The following TAF2 variants were observed in gnomAD, a reference collection of about 807,000 sequenced individuals.
TAF2 encodes the protein TATA-box binding protein associated factor 2, also known as transcription initiation factor TFIID subunit 2.
A neutral mutation model predicts 138.5 loss-of-function variants in TAF2; 61 were observed. That is an observed-to-expected ratio of 0.44 (90% confidence interval 0.36 to 0.54). The LOEUF (loss-of-function observed/expected upper bound fraction) is 0.54, where lower values mean the gene tolerates loss of function less well. Among genes scored for constraint, TAF2 ranks in the 20% least tolerant of loss-of-function variants. TAF2 has a pLI of 0.00. For missense variants in TAF2, 1,090 were observed against 1,427.9 expected, an observed-to-expected ratio of 0.76 and a Z score of 3.81; for synonymous variants, 475 against 469.9, an observed-to-expected ratio of 1.01 and a Z score of -0.14.
chr8:119,772,689 C>A (rs1176425861), intron 18 of TAF2, among the ~76,000 whole-genome samples: 1 of 152,012 alleles, frequency 6.6e-6, no homozygotes, highest in Non-Finnish European at 1.5e-5. Context: ...GTAATCCCAG[C>A]ACTTTGGGAG....
chr8:119,772,409 G>A (rs1821906065), intron 18 of TAF2, among the ~76,000 whole-genome samples: 1 of 152,100 alleles, frequency 6.6e-6, no homozygotes, highest in East Asian at 1.9e-4. Flanking sequence ...GGGAACACAT[G>A]GACATAAAGA....
At chr8:119,821,479 C>T (rs1026657926) in intron 2 of TAF2, among the ~76,000 whole-genome samples, 1 of 152,208 alleles carries the variant, frequency 6.6e-6, no homozygotes, top group Admixed American at 6.5e-5. Flanking sequence ...CTCCCATTCA[C>T]TATAAACGAG....
chr8:119,805,599 G>A (rs1259046099), intron 4 of TAF2, among the ~76,000 whole-genome samples: 2 of 151,890 alleles, frequency 1.3e-5, no homozygotes, highest in Non-Finnish European at 2.9e-5. Context: ...CTAGCTACTC[G>A]GTGGCTGCGG....
chr8:119,830,530 T>C (rs1826379473), intron 2 of TAF2, among the ~76,000 whole-genome samples: 1 of 152,162 alleles, frequency 6.6e-6, no homozygotes, highest in African/African-American at 2.4e-5. Context: ...TATCCTACTA[T>C]ATAAGATATA....
At chr8:119,747,605 C>A (rs1026982118) in intron 22 of TAF2, among the ~76,000 whole-genome samples, 6 of 152,088 alleles carry the variant, frequency 3.9e-5, no homozygotes. Flanking sequence ...TACCGTACCC[C>A]ACAGCAATGA....
chr8:119,831,172 C>A (rs934635122), intron 2 of TAF2, among the ~76,000 whole-genome samples: 4 of 152,070 alleles, frequency 2.6e-5, no homozygotes, highest in African/African-American at 4.8e-5. Context: ...ATTATATCAG[C>A]AATCCATACA....
At chr8:119,742,447 G>GT (rs1819660733) in intron 25 of TAF2, 87 bp downstream of exon 25, 2 of 1,525,838 alleles carry the variant, frequency 1.3e-6, no homozygotes, top group Non-Finnish European at 1.8e-6. Context: ...TTTTTAAAGG[G>GT]TTTTTTAAAG....
chr8:119,819,534 T>G, intron 2 of TAF2, 28 bp from the exon 3 acceptor site: 5 of 1,542,292 alleles, frequency 3.2e-6, no homozygotes, highest in Non-Finnish European at 4.4e-6. Context: ...AACAACTTCA[T>G]TATAAAGACT....
intron 18 of TAF2, among the ~76,000 whole-genome samples, chr8:119,771,749 T>TC (rs1273377288): frequency 6.6e-6 from 1 of 152,092 alleles, no homozygotes; most frequent in Non-Finnish European, 1.5e-5. Context: ...GTGGTGGACT[T>TC]CAACACCCCA....
rs985525479 is a variant in TAF2 at position 119,731,054 on chromosome 8, T to A, written c.*870A>T. On this transcript the variant is annotated 3_prime_UTR_variant, in exon 26 of 26. Transcript: ENST00000378164. ...CCAGGTTAATAAACAATATATAAGC[T>A]CACCTTTTTAAAGGTATCATACTTT... 2.0e-5 allele frequency: 3 copies of A among 152,182 alleles called. No individual in the cohort carries two copies. Among genetic ancestry groups the A allele is most frequent in the Non-Finnish European group, 4.4e-5 (3 of 68,026 alleles). The allele number at this position is 152,182 out of a possible 1,614,324, so 9.4% of individuals were successfully genotyped here.
At position 119,731,833 on chromosome 8, in the gene TAF2, C is replaced by G; in HGVS notation, c.*91G>C. The G allele has an allele frequency of 7.8e-6, 10 of 1,278,626 alleles. No individual in the cohort carries two copies. In the South Asian group the frequency reaches 9.6e-5, roughly 12 times the overall value. The allele number at this position is 1,278,626 out of a possible 1,614,324, so 79.2% of individuals were successfully genotyped here. A position where few individuals can be genotyped will look rare whatever the true frequency, so the allele number is the denominator to read the frequency against. ...TTCTGTAGGAGAGGCGAATCCTTTCCCCCCTCCCTTTTATAATTCTTCACA... is the reference window on the plus strand; with the variant it reads ...TTCTGTAGGAGAGGCGAATCCTTTCGCCCCTCCCTTTTATAATTCTTCACA... On this transcript the variant is annotated 3_prime_UTR_variant, in exon 26 of 26. Coordinates refer to ENST00000378164, the MANE Select transcript of TAF2 (RefSeq NM_003184.4).
At chr8:119,824,478 C>T (rs1397568656) in intron 2 of TAF2, among the ~76,000 whole-genome samples, 1 of 151,810 alleles carries the variant, frequency 6.6e-6, no homozygotes, top group African/African-American at 2.4e-5. Context: ...AGGAGAAGTC[C>T]AAGCTGGCTA....
At chr8:119,732,759 G>C (rs955194251) in intron 25 of TAF2, among the ~76,000 whole-genome samples, 1 of 152,106 alleles carries the variant, frequency 6.6e-6, no homozygotes, top group Non-Finnish European at 1.5e-5. Flanking sequence ...AGCTGAGATC[G>C]TGTCACTGCA....
At chr8:119,798,093 T>C (rs1286226085) in intron 6 of TAF2, among the ~76,000 whole-genome samples, 2 of 152,122 alleles carry the variant, frequency 1.3e-5, no homozygotes, top group Non-Finnish European at 2.9e-5. Context: ...CCAACTAAAA[T>C]ACAACTCTAG....
Position 119,783,475 on chromosome 8 carries a change from G to A in TAF2, c.2018C>T (p.Pro673Leu), listed in dbSNP as rs1328078717. 6.2e-7 allele frequency: 1 copy of A among 1,614,092 alleles called. No individual in the cohort carries two copies. Among genetic ancestry groups the A allele is most frequent in the Admixed American group, 1.7e-5 (1 of 60,012 alleles). ...QESILALEKF[P>L]TPASRLALTD... ...GAGTGCAAGCCGAGATGCTGGAGTA[G>A]GGAATTTTTCCAAAGCCAAAATGGA... is the stretch of plus-strand genomic sequence containing the variant. Residue 673 changes from proline to leucine, a missense_variant, in exon 16 of 26, where the codon CCT (proline) becomes CTT (leucine). Pro to Leu is a moderately conservative substitution (Grantham distance 98). Around this residue, in one of 3 missense-constraint regions of TAF2, gnomAD observed 580 missense variants for 719.6 expected, o/e 0.81. Transcript: ENST00000378164.
At position 119,740,637 on chromosome 8, in the gene TAF2, C is replaced by G. The variant is rs533052081; in HGVS notation, c.3337+1897G>C. Among the ~76,000 whole-genome samples, 10 of 142,700 alleles carry G rather than the reference C, an allele frequency of 7.0e-5. No individual in the cohort carries two copies. In the South Asian group the frequency reaches 2.0e-3, roughly 29 times the overall value. 93.6% of individuals were successfully genotyped at this position (142,700 alleles called of 152,430 possible). A position where few individuals can be genotyped will look rare whatever the true frequency, so the allele number is the denominator to read the frequency against. ...CCAAGATCGCATCACTGCACTCCAG[C>G]CTGGATGACAGAGTGAGACTGTCTC... is the stretch of plus-strand genomic sequence containing the variant. On this transcript the variant is annotated intron_variant, in intron 25 of 25. Coordinates refer to ENST00000378164, the MANE Select transcript of TAF2 (RefSeq NM_003184.4).
intron 23 of TAF2, among the ~76,000 whole-genome samples, chr8:119,745,820 TG>T (rs1819925576): frequency 6.8e-6 from 1 of 146,004 alleles, no homozygotes; most frequent in Admixed American, 6.7e-5. Flanking sequence ...TGTGTGTGTG[TG>T]TGTGTGTGTG....
chr8:119,775,798 T>C (rs978424126), intron 18 of TAF2, among the ~76,000 whole-genome samples: 2 of 152,126 alleles, frequency 1.3e-5, no homozygotes, highest in Non-Finnish European at 2.9e-5. Context: ...AGGGAAATAA[T>C]GGGAAAAATA....
intron 11 of TAF2, among the ~76,000 whole-genome samples, chr8:119,790,288 TAGTC>T (rs900697354): frequency 3.3e-5 from 5 of 151,978 alleles, no homozygotes; most frequent in African/African-American, 4.8e-5. Context: ...ATACAAAAAT[TAGTC>T]AGGCACGATG....
Sources: gnomAD v4.1 joint callset for allele counts (sites outside exome capture counted in the v4.1 genomes callset) on GRCh38, gnomAD v4.1.1 for gene constraint, gnomAD v4.1.1 regional missense constraint, MANE v1.5 for transcripts, NCBI Gene and HGNC (gene_info 2026-07-23, HGNC 2026-07-21) for gene names.